Variants in C12orf42 observed in about 807,000 individuals in gnomAD.
C12orf42 encodes the protein uncharacterized protein C12orf42.
Under a neutral mutation model 21.6 loss-of-function variants are expected in C12orf42, and 25 were observed. That is an observed-to-expected ratio of 1.16 (90% confidence interval 0.84 to 1.62). The LOEUF (loss-of-function observed/expected upper bound fraction) is 1.62, where lower values mean the gene tolerates loss of function less well. Ranked by LOEUF, C12orf42 falls within the 40% of genes most tolerant of loss-of-function variation. The pLI, the probability that C12orf42 is intolerant of heterozygous loss-of-function variation, is 0.00. For missense variants in C12orf42, 483 were observed against 459.3 expected, an observed-to-expected ratio of 1.05 and a Z score of -0.47; for synonymous variants, 174 against 175.0, an observed-to-expected ratio of 0.99 and a Z score of 0.05.
At chr12:103,556,884 A>T in the C12orf42 span, among the ~76,000 whole-genome samples, 3 of 151,368 alleles carry the variant, frequency 2.0e-5, no homozygotes, top group Admixed American at 6.6e-5. Context: ...AGACAGAGGG[A>T]GAAGAGGAGA....
chr12:103,217,188 C>G, the C12orf42 span, among the ~76,000 whole-genome samples: 1 of 152,076 alleles, frequency 6.6e-6, no homozygotes, highest in Non-Finnish European at 1.5e-5. Context: ...AATTCTGGTC[C>G]AGAACACATT....
chr12:103,562,354 G>A, the C12orf42 span, among the ~76,000 whole-genome samples: 1 of 152,160 alleles, frequency 6.6e-6, no homozygotes, highest in African/African-American at 2.4e-5. Context: ...CTGATCAATT[G>A]ATCGTTTCCT....
chr12:103,434,635 G>A (rs1157281518), intron 2 of C12orf42, among the ~76,000 whole-genome samples: 1 of 152,150 alleles, frequency 6.6e-6, no homozygotes, highest in Non-Finnish European at 1.5e-5. Context: ...AAAGAAAGGG[G>A]TGACTGACGC....
At chr12:103,404,712 G>T (rs1396020888) in intron 2 of C12orf42, among the ~76,000 whole-genome samples, 3 of 152,084 alleles carry the variant, frequency 2.0e-5, no homozygotes, top group Admixed American at 6.6e-5. Flanking sequence ...GACAAACAAG[G>T]CTCAGGTCTA....
intron 3 of C12orf42, among the ~76,000 whole-genome samples, chr12:103,373,073 G>C (rs759297199): frequency 8.5e-5 from 13 of 152,104 alleles, no homozygotes; most frequent in Non-Finnish European, 1.6e-4. Flanking sequence ...TCCTCTCTGG[G>C]AAGACACTGT....
At chr12:103,515,571 G>T in the C12orf42 span, among the ~76,000 whole-genome samples, 2 of 152,300 alleles carry the variant, frequency 1.3e-5, no homozygotes, top group East Asian at 3.9e-4. Flanking sequence ...ATCTAGGCTT[G>T]AAAAGCTAAA....
At chr12:103,277,011 A>G in intron 5 of C12orf42, 1 of 375,266 alleles carries the variant, frequency 2.7e-6, no homozygotes, top group Non-Finnish European at 5.1e-6. Flanking sequence ...TTACAATTAG[A>G]TAGTATAATT....
the C12orf42 span, among the ~76,000 whole-genome samples, chr12:103,224,922 A>G: frequency 3.3e-5 from 5 of 152,158 alleles, no homozygotes; most frequent in East Asian, 9.6e-4. Context: ...GGTTTGGGAG[A>G]TTAATCGGAC....
chr12:103,166,447 T>C, the C12orf42 span, among the ~76,000 whole-genome samples: 2 of 152,220 alleles, frequency 1.3e-5, no homozygotes, highest in Non-Finnish European at 2.9e-5. Context: ...CACTTGATTT[T>C]CAAAACAAGT....
At chr12:103,544,262 A>T in the C12orf42 span, among the ~76,000 whole-genome samples, 1 of 152,276 alleles carries the variant, frequency 6.6e-6, no homozygotes, top group East Asian at 1.9e-4. Context: ...TATTTCACTT[A>T]AACTATTAAA....
At chr12:103,070,821 C>T in the C12orf42 span, among the ~76,000 whole-genome samples, 2 of 152,048 alleles carry the variant, frequency 1.3e-5, no homozygotes, top group South Asian at 2.1e-4. Context: ...GGTAACTTCT[C>T]AAGGATTTCA....
chr12:103,522,479 A>G, the C12orf42 span, among the ~76,000 whole-genome samples: 1 of 152,056 alleles, frequency 6.6e-6, no homozygotes, highest in Non-Finnish European at 1.5e-5. Context: ...TTGCACCTCA[A>G]CAGCACCCTC....
At chr12:103,410,183 A>T (rs1336411334) in intron 2 of C12orf42, among the ~76,000 whole-genome samples, 1 of 152,308 alleles carries the variant, frequency 6.6e-6, no homozygotes, top group African/African-American at 2.4e-5. Context: ...AAAGACTTCA[A>T]ACTCAACTGT....
At position 103,440,457 on chromosome 12, in the gene C12orf42, C is replaced by CAAAAAA; in HGVS notation, c.78+37886_78+37891dup. ...AAATAAATAAAAGCCTCACAGATACCAAAAAAAAAAAAAAAAAAAAAAGAA... is the reference window on the plus strand; with the variant it reads ...AAATAAATAAAAGCCTCACAGATACCAAAAAAAAAAAAAAAAAAAAAAAAAAAAGAA... On this transcript the variant is annotated intron_variant, in intron 2 of 5. Coordinates refer to ENST00000548883, the MANE Select transcript of C12orf42 (RefSeq NM_198521.5). 5.3e-4 allele frequency among the ~76,000 whole-genome samples: 37 copies of CAAAAAA among 69,696 alleles called. 2 individuals are homozygous for CAAAAAA. Among genetic ancestry groups the CAAAAAA allele is most frequent in the East Asian group, 2.0e-3 (4 of 1,958 alleles). The allele number at this position is 69,696 out of a possible 152,430, so 45.7% of individuals were successfully genotyped here.
chr12:103,384,631 A>C (rs1387942560), intron 3 of C12orf42, among the ~76,000 whole-genome samples: 1 of 152,216 alleles, frequency 6.6e-6, no homozygotes, highest in African/African-American at 2.4e-5. Flanking sequence ...AAACATTAAC[A>C]TGCATACATC....
At chr12:103,093,564 G>A in the C12orf42 span, among the ~76,000 whole-genome samples, 8 of 152,088 alleles carry the variant, frequency 5.3e-5, no homozygotes, top group African/African-American at 1.9e-4. Context: ...AAGGTGAGAG[G>A]AACAAAGGGG....
At chr12:103,097,065 A>T in the C12orf42 span, among the ~76,000 whole-genome samples, 3 of 152,364 alleles carry the variant, frequency 2.0e-5, no homozygotes, top group Admixed American at 6.5e-5. Context: ...ACTGGAAGAC[A>T]TACTAAAAGT....
At chr12:103,359,464 G>A (rs375312934) in intron 4 of C12orf42, among the ~76,000 whole-genome samples, 4 of 151,944 alleles carry the variant, frequency 2.6e-5, no homozygotes, top group East Asian at 3.9e-4. Flanking sequence ...TTCATACAAT[G>A]GAAGACCACT....
At chr12:103,337,839 C>G (rs12315963) in intron 4 of C12orf42, among the ~76,000 whole-genome samples, 23,795 of 152,130 alleles carry the variant, frequency 0.16, 2,660 homozygotes, top group African/African-American at 0.32. Flanking sequence ...TCACAACTCT[C>G]TACTCTCTGT....
Sources: allele counts gnomAD v4.1 joint callset (sites outside exome capture counted in the v4.1 genomes callset), GRCh38; gene constraint gnomAD v4.1.1; transcripts MANE v1.5; gene names NCBI Gene and HGNC (gene_info 2026-07-23, HGNC 2026-07-21).